NT5DC1: variants seen among roughly 807,000 people sequenced by gnomAD.
NT5DC1 encodes 5'-nucleotidase domain containing 1.
NT5DC1 carries 42 observed loss-of-function variants against 59.4 expected under a neutral mutation model. The ratio of observed to expected loss-of-function variants is 0.71; its 90% CI spans 0.55 to 0.92. The LOEUF (loss-of-function observed/expected upper bound fraction) is 0.92. Ranked by LOEUF, NT5DC1 falls within the 40% of genes least tolerant of loss-of-function variation. The probability of loss-of-function intolerance (pLI) is 0.00; values close to 1 mark genes in which losing one functional copy is unlikely to be tolerated. For missense variants in NT5DC1, 501 were observed against 537.1 expected (o/e 0.93, Z 0.66); for synonymous variants, 172 against 188.1 (o/e 0.91, Z 0.70).
intron 6 of NT5DC1, among the ~76,000 whole-genome samples, chr6:116,135,880 TAC>T (rs1233709021): frequency 8.1e-6 from 1 of 123,168 alleles, no homozygotes; most frequent in Non-Finnish European, 1.7e-5. Context: ...TATACACACA[TAC>T]ACACACATTG....
chr6:116,104,260 C>G (rs577506667), intron 1 of NT5DC1, among the ~76,000 whole-genome samples: 1 of 152,144 alleles, frequency 6.6e-6, no homozygotes, highest in Non-Finnish European at 1.5e-5. Context: ...CCATTGGCCC[C>G]CTTCTCTCCT....
At chr6:116,205,890 C>T (rs956536645) in intron 6 of NT5DC1, among the ~76,000 whole-genome samples, 7 of 151,952 alleles carry the variant, frequency 4.6e-5, no homozygotes, top group Non-Finnish European at 8.8e-5. Flanking sequence ...ATAGGCAAGT[C>T]AGCCTCTCTA....
intron 6 of NT5DC1, among the ~76,000 whole-genome samples, chr6:116,139,848 C>T (rs2114360626): frequency 1.3e-5 from 2 of 152,276 alleles, no homozygotes; most frequent in Non-Finnish European, 2.9e-5. Flanking sequence ...AGACCTAGTA[C>T]AGCACTTGAG....
chr6:116,182,484 C>G (rs1443438585), intron 6 of NT5DC1, among the ~76,000 whole-genome samples: 3 of 152,068 alleles, frequency 2.0e-5, no homozygotes, highest in Non-Finnish European at 4.4e-5. Flanking sequence ...AGTGGTTGTA[C>G]TAGTTTACAT....
At chr6:116,140,178 TCAG>T (rs1212583910) in intron 6 of NT5DC1, among the ~76,000 whole-genome samples, 9 of 152,186 alleles carry the variant, frequency 5.9e-5, no homozygotes, top group African/African-American at 2.2e-4. Context: ...GTGCATGCTC[TCAG>T]GTATTTTCAA....
At chr6:116,119,955 T>G in intron 6 of NT5DC1, 1 of 989,626 alleles carries the variant, frequency 1.0e-6, no homozygotes, top group Non-Finnish European at 1.6e-6. Context: ...CTCAAATCTG[T>G]ATTTCAGAAA....
chr6:116,197,461 A>G (rs1781257753), intron 6 of NT5DC1, among the ~76,000 whole-genome samples: 1 of 152,052 alleles, frequency 6.6e-6, no homozygotes, highest in Non-Finnish European at 1.5e-5. Context: ...GTCAAGAATC[A>G]ACATTCTTGA....
At chr6:116,149,140 T>C (rs1479387597) in intron 6 of NT5DC1, among the ~76,000 whole-genome samples, 2 of 152,158 alleles carry the variant, frequency 1.3e-5, no homozygotes, top group Non-Finnish European at 2.9e-5. Context: ...TCAGAATATA[T>C]TTTGCCTGGC....
intron 6 of NT5DC1, among the ~76,000 whole-genome samples, chr6:116,215,742 A>T (rs1562168568): frequency 6.6e-6 from 1 of 152,190 alleles, no homozygotes; most frequent in Non-Finnish European, 1.5e-5. Context: ...ACTGATGGCA[A>T]CAGGGGAGTT....
chr6:116,202,292 C>T lies in NT5DC1; in HGVS notation c.530-18762C>T, dbSNP rs150903684. ...TAGTACCTTTTTTTCTTATGCTTAG[C>T]ATGGTTGGAATACATAGATCAGTAG... On this transcript the variant is annotated intron_variant, in intron 6 of 11. Coordinates refer to ENST00000319550, the MANE Select transcript of NT5DC1 (RefSeq NM_152729.3). Among the ~76,000 whole-genome samples the T allele has an allele frequency of 1.6e-3, 237 of 152,064 alleles. 3 individuals carry two copies. Among genetic ancestry groups the T allele is most frequent in the African/African-American group, 5.4e-3 (226 of 41,542 alleles).
intron 11 of NT5DC1, among the ~76,000 whole-genome samples, chr6:116,240,130 A>C (rs1161416000): frequency 6.6e-6 from 1 of 152,186 alleles, no homozygotes; most frequent in Non-Finnish European, 1.5e-5. Context: ...GAGACATAAA[A>C]GATATAGTGA....
intron 9 of NT5DC1, among the ~76,000 whole-genome samples, chr6:116,237,837 C>T (rs1782149840): frequency 6.6e-6 from 1 of 152,180 alleles, no homozygotes; most frequent in African/African-American, 2.4e-5. Flanking sequence ...TCTCTAATAC[C>T]TCACCAGCTC....
intron 6 of NT5DC1, among the ~76,000 whole-genome samples, chr6:116,129,505 T>A (rs1255725731): frequency 6.6e-6 from 1 of 152,162 alleles, no homozygotes; most frequent in Admixed American, 6.5e-5. Context: ...GTTGTGAGAG[T>A]GGGCTTTATA....
chr6:116,197,521 A>G (rs1349270565), intron 6 of NT5DC1, among the ~76,000 whole-genome samples: 2 of 152,038 alleles, frequency 1.3e-5, no homozygotes, highest in African/African-American at 4.8e-5. Flanking sequence ...ACAAACAGCC[A>G]GGTACAGCGG....
chr6:116,115,679 G>T lies in NT5DC1; in HGVS notation c.365-12G>T, dbSNP rs77450123. 755 of 1,449,368 alleles carry T rather than the reference G, an allele frequency of 5.2e-4. 5 individuals are homozygous for T. The highest frequency in any genetic ancestry group is 3.5e-3 in the African/African-American group (253 of 71,866). 89.8% of individuals were successfully genotyped at this position (1,449,368 alleles called of 1,614,324 possible). Reference sequence around the variant, plus strand: ...TATGTTGTTCCCAGTTTAAAATTTTGTTCTTTTTTAGGAAAGTATTACTTT... The same window carrying T: ...TATGTTGTTCCCAGTTTAAAATTTTTTTCTTTTTTAGGAAAGTATTACTTT... On this transcript the variant is annotated splice_polypyrimidine_tract_variant and intron_variant, in intron 4 of 11. Transcript: ENST00000319550.
At chr6:116,171,222 GT>G (rs1422656510) in intron 6 of NT5DC1, among the ~76,000 whole-genome samples, 2 of 151,916 alleles carry the variant, frequency 1.3e-5, no homozygotes, top group Admixed American at 6.6e-5. Context: ...ATATTTTAAT[GT>G]TTTAATCACT....
At position 116,237,001 on chromosome 6, in the gene NT5DC1, G is replaced by A. The variant is rs778279952; in HGVS notation, c.838G>A (p.Asp280Asn). The A allele has an allele frequency of 1.2e-6, 2 of 1,611,798 alleles. No individual in the cohort carries two copies. Among genetic ancestry groups the A allele is most frequent in the African/African-American group, 2.7e-5 (2 of 74,994 alleles). Residue 280 changes from aspartate (D) to asparagine (N), a missense_variant, in exon 9 of 12, where the codon GAT becomes AAT. Transcript: ENST00000319550. ...GGAGCAGGAGGCACTGCCATCTCTG[G>A]ATAAACCTGGCTGGTACTCCCAAGG... The part of the protein sequence containing the change: ...DEEQEALPSL[D>N]KPGWYSQGNA...
intron 6 of NT5DC1, among the ~76,000 whole-genome samples, chr6:116,169,821 G>A (rs1780565487): frequency 6.6e-6 from 1 of 152,184 alleles, no homozygotes; most frequent in African/African-American, 2.4e-5. Context: ...AGTGTGTATA[G>A]ATGATATTTA....
At chr6:116,121,607 C>CT in intron 6 of NT5DC1, 1 of 1,613,980 alleles carries the variant, frequency 6.2e-7, no homozygotes, top group Non-Finnish European at 8.5e-7. Context: ...AGGAAAGCCC[C>CT]TGGGTCCTGG....
Sources: allele counts gnomAD v4.1 joint callset (sites outside exome capture counted in the v4.1 genomes callset), GRCh38; gene constraint gnomAD v4.1.1; transcripts MANE v1.5; gene names NCBI Gene and HGNC (gene_info 2026-07-23, HGNC 2026-07-21).